GNAL: variants seen among roughly 807,000 people sequenced by gnomAD.
The protein encoded by GNAL is G protein subunit alpha L.
GNAL carries 18 observed loss-of-function variants against 55.1 expected under a neutral mutation model. The observed-to-expected ratio is 0.33, with a 90% CI of 0.23 to 0.48. GNAL has a LOEUF of 0.48. Among genes scored for constraint, GNAL ranks in the 20% least tolerant of loss-of-function variants. GNAL has a pLI of 0.99. For synonymous variants in GNAL, 253 were observed against 237.0 expected (o/e 1.07, Z -0.62); for missense variants, 412 against 614.1 (o/e 0.67, Z 3.48).
intron 5 of GNAL, among the ~76,000 whole-genome samples, chr18:11,837,975 C>A (rs1015731251): frequency 2.0e-5 from 3 of 151,956 alleles, no homozygotes; most frequent in East Asian, 1.9e-4. Flanking sequence ...TCCCTTCTTA[C>A]GAAAAATTAT....
intron 4 of GNAL, among the ~76,000 whole-genome samples, chr18:11,809,666 A>G (rs2034759159): frequency 6.6e-6 from 1 of 151,990 alleles, no homozygotes; most frequent in African/African-American, 2.4e-5. Flanking sequence ...CCACAAGGCA[A>G]AGGTTGCAGT....
chr18:11,752,830 G>A lies in GNAL; in HGVS notation c.377-23G>A, dbSNP rs186631465. On this transcript the variant is annotated intron_variant, in intron 1 of 11. Transcript: ENST00000334049. This position sits in a 1 kb window ranked among gnomAD's most constrained non-coding sequence, Gnocchi z 4.5. ...CAGCGATATCCGGACACAGATCACA[G>A]CGTTCTTTCTGTTTGTTTGCAGGGG... The A allele has an allele frequency of 2.4e-5, 37 of 1,550,108 alleles. No homozygotes were observed. In the Admixed American group the frequency reaches 3.3e-4, roughly 14 times the overall value.
In GNAL at chr18:11,699,011, T is replaced by C. The variant is rs114860740; in HGVS notation, c.376+9072T>C. ...GAAAAGTTTCCAAAGATTAACATTT[T>C]CAAAGGTAAGACCTAACTCCAAGGG... On this transcript the variant is annotated intron_variant, in intron 1 of 11. Coordinates refer to ENST00000334049, the MANE Select transcript of GNAL (RefSeq NM_182978.4). Among the ~76,000 whole-genome samples the C allele has an allele frequency of 9.7e-3, 1,483 of 152,208 alleles. 23 individuals carry two copies. The highest frequency in any genetic ancestry group is 0.033 in the African/African-American group (1,386 of 41,512).
intron 4 of GNAL, among the ~76,000 whole-genome samples, chr18:11,807,261 T>C (rs1466314215): frequency 6.6e-6 from 1 of 152,164 alleles, no homozygotes; most frequent in Non-Finnish European, 1.5e-5. Context: ...CATTGGATTG[T>C]TTTGAGCCCA....
chr18:11,772,890 C>A lies in GNAL; in HGVS notation c.624+18945C>A, dbSNP rs1302898888. Reference sequence around the variant, plus strand: ...GTTAGATTAAATGTCACCTGTCAGTCTCTCATTACAGTCCCTTACATCCCT... The same window carrying A: ...GTTAGATTAAATGTCACCTGTCAGTATCTCATTACAGTCCCTTACATCCCT... On this transcript the variant is annotated intron_variant, in intron 4 of 11. Coordinates refer to ENST00000334049, the MANE Select transcript of GNAL (RefSeq NM_182978.4). Among the ~76,000 whole-genome samples the A allele has an allele frequency of 2.0e-5, 3 of 152,224 alleles. No homozygotes were observed. The East Asian group carries it at 5.8e-4, about 29-fold the overall frequency.
chr18:11,868,537 A>G lies in GNAL; in HGVS notation c.911-6A>G. ...CTGAGGTGCTTTCCTTTTTCTCCCC[A>G]CCAAGATGTCACAGCTATCATTTAC... is the stretch of plus-strand genomic sequence containing the variant. On this transcript the variant is annotated splice_region_variant and splice_polypyrimidine_tract_variant and intron_variant, in intron 8 of 11. Coordinates refer to ENST00000334049, the MANE Select transcript of GNAL (RefSeq NM_182978.4). The surrounding 1 kb of genome is among the most constrained non-coding windows in gnomAD (Gnocchi z 4.0). The G allele has an allele frequency of 6.2e-7, 1 of 1,607,678 alleles. No individual in the cohort carries two copies. Among genetic ancestry groups the G allele is most frequent in the Non-Finnish European group, 8.5e-7 (1 of 1,177,694 alleles).
intron 4 of GNAL, among the ~76,000 whole-genome samples, chr18:11,788,914 A>AAAAATATATAT (rs60071996): frequency 1.6e-4 from 9 of 56,296 alleles, no homozygotes; most frequent in Non-Finnish European, 2.0e-4. Flanking sequence ...AAAAAAAAAA[A>AAAAATATATAT]ATATATATAT....
chr18:11,858,197 A>G (rs1361320530), intron 5 of GNAL, among the ~76,000 whole-genome samples: 2 of 152,132 alleles, frequency 1.3e-5, no homozygotes, highest in East Asian at 3.9e-4. Context: ...CAGAAGGGGG[A>G]TCTAAATGAA....
chr18:11,872,761 G>A lies in GNAL; in HGVS notation c.1162+363G>A, dbSNP rs541708086. Among the ~76,000 whole-genome samples the A allele has an allele frequency of 5.9e-5, 9 of 152,292 alleles. No individual in the cohort carries two copies. In the South Asian group the frequency reaches 1.9e-3, roughly 32 times the overall value. ...AGACCTTCTCACTTCACCCTCAGATGACCCTGCATGGTAGTTTCTATTATT... is the reference window on the plus strand; with the variant it reads ...AGACCTTCTCACTTCACCCTCAGATAACCCTGCATGGTAGTTTCTATTATT... On this transcript the variant is annotated intron_variant, in intron 10 of 11. Transcript: ENST00000334049.
At chr18:11,740,817 A>G (rs564078031) in intron 1 of GNAL, among the ~76,000 whole-genome samples, 3 of 152,330 alleles carry the variant, frequency 2.0e-5, no homozygotes, top group African/African-American at 4.8e-5. Context: ...TTGCTATGTG[A>G]TGACAAATAA....
At chr18:11,863,445 G>A (rs2143844158) in intron 6 of GNAL, among the ~76,000 whole-genome samples, 1 of 152,340 alleles carries the variant, frequency 6.6e-6, no homozygotes, top group African/African-American at 2.4e-5. Flanking sequence ...TCTCTCCCAT[G>A]AAGTTTATCC....
chr18:11,783,237 C>T (rs745513766), intron 4 of GNAL, among the ~76,000 whole-genome samples: 2 of 152,170 alleles, frequency 1.3e-5, no homozygotes, highest in Non-Finnish European at 1.5e-5. Context: ...AGAACCAGGC[C>T]ACCTGCTTTT....
At chr18:11,838,989 G>T (rs1469280215) in intron 5 of GNAL, among the ~76,000 whole-genome samples, 6 of 152,158 alleles carry the variant, frequency 3.9e-5, no homozygotes, top group Non-Finnish European at 8.8e-5. Context: ...ATATAAATAT[G>T]AGATGTTATA....
chr18:11,728,552 C>T (rs2032266028), intron 1 of GNAL, among the ~76,000 whole-genome samples: 1 of 152,176 alleles, frequency 6.6e-6, no homozygotes, highest in South Asian at 2.1e-4. Context: ...AGTTGGACAA[C>T]TCAGGCGGGA....
Position 11,805,325 on chromosome 18 carries a change from G to A in GNAL, c.625-19593G>A, listed in dbSNP as rs925289691. Among the ~76,000 whole-genome samples the A allele has an allele frequency of 1.1e-4, 17 of 152,110 alleles. 1 individual carries two copies. The highest frequency in any genetic ancestry group is 2.9e-5 in the Non-Finnish European group (2 of 68,024). Reference sequence around the variant, plus strand: ...GAATGGAACATGGAGATACTGTGTAGTGGTGAGGTACACGTGCAATTTGGA... The same window carrying A: ...GAATGGAACATGGAGATACTGTGTAATGGTGAGGTACACGTGCAATTTGGA... On this transcript the variant is annotated intron_variant, in intron 4 of 11. Coordinates refer to ENST00000334049, the MANE Select transcript of GNAL (RefSeq NM_182978.4).
chr18:11,697,925 T>A (rs546159998), intron 1 of GNAL, among the ~76,000 whole-genome samples: 80 of 152,176 alleles, frequency 5.3e-4, no homozygotes, highest in Non-Finnish European at 7.2e-4. Context: ...CAGAGATGGA[T>A]GTGTCACCCA....
chr18:11,690,387 C>G (rs142449278), intron 1 of GNAL, among the ~76,000 whole-genome samples: 1 of 152,246 alleles, frequency 6.6e-6, no homozygotes, highest in African/African-American at 2.4e-5. Flanking sequence ...GACCGCAAAG[C>G]TTTTATTCCA....
intron 1 of GNAL, among the ~76,000 whole-genome samples, chr18:11,737,892 T>G (rs987682025): frequency 3.3e-5 from 5 of 152,022 alleles, no homozygotes; most frequent in Non-Finnish European, 7.4e-5. Context: ...GACCCTGACC[T>G]CCTCCCCTCA....
At chr18:11,696,097 T>C (rs1421958177) in intron 1 of GNAL, among the ~76,000 whole-genome samples, 4 of 152,196 alleles carry the variant, frequency 2.6e-5, no homozygotes, top group African/African-American at 7.2e-5. Context: ...CATATCCTTA[T>C]TAACTTGCTG....
Sources: gnomAD v4.1 joint callset for allele counts (sites outside exome capture counted in the v4.1 genomes callset) on GRCh38, gnomAD v4.1.1 for gene constraint, Gnocchi (gnomAD v3.1) non-coding constraint, MANE v1.5 for transcripts, NCBI Gene and HGNC (gene_info 2026-07-23, HGNC 2026-07-21) for gene names.